SETBP1: variants seen among roughly 807,000 people sequenced by gnomAD.
SETBP1 encodes SET-binding protein.
SETBP1 carries 9 observed loss-of-function variants against 101.0 expected under a neutral mutation model. The observed-to-expected ratio is 0.09, with a 90% confidence interval of 0.05 to 0.16. The LOEUF is 0.16. Ranked by LOEUF, SETBP1 falls within the 10% of genes least tolerant of loss-of-function variation. The probability of loss-of-function intolerance (pLI) is 1.00; values close to 1 mark genes in which losing one functional copy is unlikely to be tolerated. For synonymous variants in SETBP1, 818 were observed against 788.5 expected (o/e 1.04, Z -0.63); for missense variants, 1,858 against 2,033.8 (o/e 0.91, Z 1.66).
chr18:44,840,486 C>T (rs1486828544), intron 2 of SETBP1, among the ~76,000 whole-genome samples: 1 of 152,218 alleles, frequency 6.6e-6, no homozygotes, highest in Non-Finnish European at 1.5e-5. Context: ...TGCCAGCTCA[C>T]CTCAGGTCTG....
intron 1 of SETBP1, among the ~76,000 whole-genome samples, chr18:44,698,313 A>G (rs2069053913): frequency 6.6e-6 from 1 of 152,176 alleles, no homozygotes; most frequent in South Asian, 2.1e-4. Context: ...TAAAGCTTAG[A>G]TTTGATATTA....
chr18:44,938,377 T>C (rs1245559888), intron 3 of SETBP1, among the ~76,000 whole-genome samples: 2 of 152,252 alleles, frequency 1.3e-5, no homozygotes, highest in African/African-American at 4.8e-5. Context: ...TGTGTACTAA[T>C]TAACCCATAG....
At chr18:44,985,887 A>G (rs2072220597) in intron 4 of SETBP1, among the ~76,000 whole-genome samples, 1 of 152,220 alleles carries the variant, frequency 6.6e-6, no homozygotes, top group African/African-American at 2.4e-5. Flanking sequence ...TTTAGAAACA[A>G]TATTTGGAGC....
intron 4 of SETBP1, chr18:44,986,358 C>G (rs1333259873): frequency 6.6e-6 from 1 of 152,110 alleles, no homozygotes; most frequent in Non-Finnish European, 1.5e-5. Flanking sequence ...CTGAGTGAGT[C>G]AGTGAGTGAG....
At chr18:44,824,734 T>C (rs995790077) in intron 2 of SETBP1, among the ~76,000 whole-genome samples, 2 of 151,932 alleles carry the variant, frequency 1.3e-5, no homozygotes, top group Non-Finnish European at 2.9e-5. Flanking sequence ...TTTAATGCAA[T>C]TGAAAAAAAG....
intron 2 of SETBP1, among the ~76,000 whole-genome samples, chr18:44,759,659 T>C (rs2070594326): frequency 1.3e-5 from 2 of 152,178 alleles, no homozygotes; most frequent in South Asian, 4.1e-4. Flanking sequence ...TTCCCTGAAA[T>C]ATTGCAAAGA....
chr18:44,715,530 C>T (rs1211499661), intron 2 of SETBP1, among the ~76,000 whole-genome samples: 1 of 152,310 alleles, frequency 6.6e-6, no homozygotes, highest in South Asian at 2.1e-4. Flanking sequence ...GTCAAGGGTT[C>T]TGGGTCCAAG....
At chr18:44,986,430 C>T (rs2072235156) in intron 4 of SETBP1, 1 of 152,050 alleles carries the variant, frequency 6.6e-6, no homozygotes, top group Non-Finnish European at 1.5e-5. Context: ...TATAAATGCT[C>T]TACACTAAAT....
At chr18:44,963,673 G>A (rs1200383326) in intron 4 of SETBP1, among the ~76,000 whole-genome samples, 2 of 151,778 alleles carry the variant, frequency 1.3e-5, no homozygotes, top group Non-Finnish European at 2.9e-5. Context: ...CGAATTGCCT[G>A]GGCCCAGGAG....
chr18:44,843,864 A>G (rs931166709), intron 2 of SETBP1, among the ~76,000 whole-genome samples: 5 of 152,288 alleles, frequency 3.3e-5, no homozygotes, highest in Admixed American at 2.6e-4. Flanking sequence ...AACCACCACA[A>G]TTAAACTCCA....
intron 2 of SETBP1, among the ~76,000 whole-genome samples, chr18:44,745,537 A>G (rs945088285): frequency 6.6e-6 from 1 of 152,252 alleles, no homozygotes; most frequent in Non-Finnish European, 1.5e-5. Context: ...GAAATATTAC[A>G]GTATTTCAAA....
At chr18:44,780,069 C>G (rs761991975) in intron 2 of SETBP1, among the ~76,000 whole-genome samples, 5 of 152,116 alleles carry the variant, frequency 3.3e-5, no homozygotes, top group Non-Finnish European at 5.9e-5. Context: ...GAACTCACAG[C>G]TTGCCTGCTC....
At chr18:44,713,044 C>T (rs939784341) in intron 2 of SETBP1, among the ~76,000 whole-genome samples, 13 of 150,434 alleles carry the variant, frequency 8.6e-5, no homozygotes, top group East Asian at 2.0e-4. Flanking sequence ...CTGCAAGCTC[C>T]GCCTACCGGG....
chr18:44,772,296 A>G (rs1180104565), intron 2 of SETBP1, among the ~76,000 whole-genome samples: 1 of 152,164 alleles, frequency 6.6e-6, no homozygotes, highest in East Asian at 1.9e-4. Flanking sequence ...GCCATTTCAC[A>G]TGTGGGGAGT....
Position 44,775,825 on chromosome 18 carries a change from A to G in SETBP1, c.486+73993A>G, listed in dbSNP as rs540022813. Among the ~76,000 whole-genome samples the G allele has an allele frequency of 6.6e-5, 10 of 152,178 alleles. No homozygotes were observed. In the South Asian group the frequency reaches 1.9e-3, roughly 28 times the overall value. On this transcript the variant is annotated intron_variant, in intron 2 of 5. Coordinates refer to ENST00000649279, the MANE Select transcript of SETBP1 (RefSeq NM_015559.3). ...AGAGACCTTAAGGGCCGTCTCACTCATTGCCTGCATAGATCATAGATACAT... is the reference window on the plus strand; with the variant it reads ...AGAGACCTTAAGGGCCGTCTCACTCGTTGCCTGCATAGATCATAGATACAT...
At chr18:45,052,880 A>G (rs1352063555) in intron 5 of SETBP1, among the ~76,000 whole-genome samples, 2 of 152,232 alleles carry the variant, frequency 1.3e-5, no homozygotes, top group African/African-American at 4.8e-5. Flanking sequence ...CCCTTTGAAA[A>G]TTCCTAAAAA....
chr18:44,684,438 T>A (rs2068804745), intron 1 of SETBP1, among the ~76,000 whole-genome samples: 1 of 152,118 alleles, frequency 6.6e-6, no homozygotes, highest in Admixed American at 6.5e-5. Context: ...TCTATTAGAT[T>A]TTGATGCCCC....
chr18:44,861,907 A>G (rs988934603), intron 2 of SETBP1, among the ~76,000 whole-genome samples: 1 of 152,224 alleles, frequency 6.6e-6, no homozygotes, highest in Non-Finnish European at 1.5e-5. Flanking sequence ...ATTAAGTTCA[A>G]ATAAGTTTCT....
chr18:44,953,829 T>A (rs548540411), intron 4 of SETBP1, among the ~76,000 whole-genome samples: 22 of 152,208 alleles, frequency 1.4e-4, no homozygotes, highest in Non-Finnish European at 2.6e-4. Flanking sequence ...TAGAAGCTGA[T>A]GACCAGTGAA....
Sources: gnomAD v4.1 joint callset for allele counts (sites outside exome capture counted in the v4.1 genomes callset) on GRCh38, gnomAD v4.1.1 for gene constraint, MANE v1.5 for transcripts, NCBI Gene and HGNC (gene_info 2026-07-23, HGNC 2026-07-21) for gene names.